Variants in ZZEF1 observed in about 807,000 individuals in gnomAD.
The protein encoded by ZZEF1 is zinc finger ZZ-type and EF-hand domain-containing protein 1.
Under a neutral mutation model 342.8 loss-of-function variants are expected in ZZEF1, and 157 were observed. The ratio of observed to expected loss-of-function variants is 0.46; its 90% confidence interval spans 0.40 to 0.52. The LOEUF is 0.52. Among genes scored for constraint, ZZEF1 ranks in the 20% least tolerant of loss-of-function variants. ZZEF1 has a pLI of 0.00. For missense variants in ZZEF1, 3,480 were observed against 3,725.6 expected, an observed-to-expected ratio of 0.93 and a Z score of 1.72; for synonymous variants, 1,505 against 1,429.1, an observed-to-expected ratio of 1.05 and a Z score of -1.20.
intron 1 of ZZEF1, among the ~76,000 whole-genome samples, chr17:4,128,682 G>A (rs893824378): frequency 2.0e-5 from 3 of 151,360 alleles, no homozygotes; most frequent in African/African-American, 7.3e-5. Flanking sequence ...GGCTGGTCCT[G>A]AACTGCTGGC....
chr17:4,052,384 T>G (rs918843068), intron 34 of ZZEF1, among the ~76,000 whole-genome samples: 1 of 152,224 alleles, frequency 6.6e-6, no homozygotes, highest in Non-Finnish European at 1.5e-5. Context: ...GACTGCTGTT[T>G]GGTGGAAACA....
Position 4,090,714 on chromosome 17 carries a change from C to T in ZZEF1, c.2025+5G>A, listed in dbSNP as rs758815808. The stretch of plus-strand genomic sequence containing the variant: ...GGAGTGGGCAAACGACGCACTAATG[C>T]TTACTTTGGCAACTCTGCACTGTTG... On this transcript the variant is annotated splice_donor_5th_base_variant and intron_variant, in intron 12 of 54. Coordinates refer to ENST00000381638, the MANE Select transcript of ZZEF1 (RefSeq NM_015113.4). The T allele has an allele frequency of 4.0e-5, 65 of 1,612,724 alleles. No homozygotes were observed. Among genetic ancestry groups the T allele is most frequent in the Non-Finnish European group, 5.4e-5 (64 of 1,179,036 alleles).
intron 38 of ZZEF1, among the ~76,000 whole-genome samples, chr17:4,044,022 A>C (rs1384985358): frequency 6.6e-6 from 1 of 152,270 alleles, no homozygotes; most frequent in Non-Finnish European, 1.5e-5. Context: ...TAGTAAATAC[A>C]GGAAATAAAT....
intron 3 of ZZEF1, among the ~76,000 whole-genome samples, chr17:4,115,765 T>G (rs765738281): frequency 1.3e-5 from 2 of 152,210 alleles, no homozygotes; most frequent in Non-Finnish European, 2.9e-5. Flanking sequence ...ATCTGTAATA[T>G]GTTATAAAAT....
chr17:4,131,750 GCCTGGGTGACAGAGCAAGAC>G (rs2058665857), intron 1 of ZZEF1, among the ~76,000 whole-genome samples: 1 of 152,048 alleles, frequency 6.6e-6, no homozygotes, highest in Non-Finnish European at 1.5e-5. Flanking sequence ...CTGTACTCCA[GCCTGGGTGACAGAGCAAGAC>G]CCTGTCTCAA....
chr17:4,062,840 GCA>G lies in ZZEF1; in HGVS notation c.4794_4795del (p.Ala1599ArgfsTer40). 6.2e-7 allele frequency: 1 copy of G among 1,613,626 alleles called. No homozygotes were observed. On this transcript the variant is annotated frameshift_variant, in exon 30 of 55. Coordinates refer to ENST00000381638, the MANE Select transcript of ZZEF1 (RefSeq NM_015113.4). LOFTEE classifies it high-confidence loss of function. ...GCAGTGGGGCTGCCCAAGGGATTCT[GCA>G]CAGTGCTGAGTTATCTTCAGGACTT...
intron 1 of ZZEF1, among the ~76,000 whole-genome samples, chr17:4,138,175 G>A (rs9908148): frequency 0.15 from 22,660 of 152,144 alleles, 1,836 homozygotes; most frequent in African/African-American, 0.21. Context: ...GAGGGCTCCC[G>A]GCTGAAGGCA....
At chr17:4,128,312 C>T (rs1432145445) in intron 1 of ZZEF1, among the ~76,000 whole-genome samples, 3 of 143,164 alleles carry the variant, frequency 2.1e-5, no homozygotes, top group East Asian at 2.1e-4. Flanking sequence ...GGCGCCACCG[C>T]ACTCCAGCCT....
intron 27 of ZZEF1, among the ~76,000 whole-genome samples, chr17:4,066,764 A>C (rs777819508): frequency 2.9e-4 from 44 of 152,002 alleles, no homozygotes; most frequent in African/African-American, 4.1e-4. Flanking sequence ...GATAAAGAAG[A>C]AGCTGAGATC....
At chr17:4,102,805 G>A (rs946469674) in intron 8 of ZZEF1, among the ~76,000 whole-genome samples, 3 of 151,860 alleles carry the variant, frequency 2.0e-5, no homozygotes, top group African/African-American at 4.8e-5. Context: ...TTTAGGTCTC[G>A]TTTCTTTAAA....
At chr17:4,033,994 A>AG (rs2056605631) in intron 40 of ZZEF1, 21 bp downstream of exon 40, 1 of 1,610,424 alleles carries the variant, frequency 6.2e-7, no homozygotes, top group Admixed American at 1.7e-5. Flanking sequence ...AGGTGGTTAG[A>AG]GGAGCGAGGA....
chr17:4,126,802 C>A (rs1345612091), intron 1 of ZZEF1, among the ~76,000 whole-genome samples: 1 of 152,124 alleles, frequency 6.6e-6, no homozygotes, highest in Non-Finnish European at 1.5e-5. Context: ...TCCGTATCTA[C>A]TAAAACTACA....
chr17:4,036,776 TACACACACACACACACACACAC>T (rs761229612), intron 39 of ZZEF1, among the ~76,000 whole-genome samples: 4 of 99,912 alleles, frequency 4.0e-5, no homozygotes, highest in East Asian at 3.4e-4. Context: ...ATATATAGAA[TACACACACACACACACACACAC>T]ACACACACAC....
intron 37 of ZZEF1, among the ~76,000 whole-genome samples, chr17:4,049,084 T>A (rs2056990058): frequency 6.6e-6 from 1 of 152,074 alleles, no homozygotes; most frequent in Admixed American, 6.5e-5. Context: ...ATGGGAGTGG[T>A]TAACACAGAT....
chr17:4,129,200 C>A (rs985785150), intron 1 of ZZEF1, among the ~76,000 whole-genome samples: 2 of 152,116 alleles, frequency 1.3e-5, no homozygotes, highest in Admixed American at 6.6e-5. Context: ...TTATAATAAA[C>A]AGATATTGCA....
intron 24 of ZZEF1, 111 bp from the exon 25 acceptor site, chr17:4,072,867 G>A (rs928038768): frequency 8.6e-7 from 1 of 1,158,418 alleles, no homozygotes; most frequent in African/African-American, 1.6e-5. Flanking sequence ...TTAAAACTTA[G>A]AGAAAGTTTA....
rs922864142 is a variant in ZZEF1, at chr17:4,009,375, C to T, written c.8733+229G>A. ...CAAGGGCTGATCCCGGGCAGTTTCT[C>T]CCCCATTGGCTCTAGGCCTGACAAA... On this transcript the variant is annotated intron_variant, in intron 53 of 54. Transcript: ENST00000381638. The T allele has an allele frequency of 2.1e-5, 13 of 612,562 alleles. No homozygotes were observed. The African/African-American group carries it at 2.2e-4, about 10-fold the overall frequency. The allele number at this position is 612,562 out of a possible 1,614,324, so 37.9% of individuals were successfully genotyped here.
At chr17:4,050,739 C>G in intron 36 of ZZEF1, 42 bp downstream of exon 36, 2 of 1,608,732 alleles carry the variant, frequency 1.2e-6, no homozygotes, top group Non-Finnish European at 1.7e-6. Flanking sequence ...TTTTCACCAG[C>G]AACTGAGGGC....
At chr17:4,106,007 T>C (rs1339204669) in intron 6 of ZZEF1, among the ~76,000 whole-genome samples, 198 bp from the exon 7 acceptor site, 7 of 152,118 alleles carry the variant, frequency 4.6e-5, no homozygotes. Context: ...TAGAGTGCAG[T>C]GGTGCGATCT....
Sources: allele counts gnomAD v4.1 joint callset (sites outside exome capture counted in the v4.1 genomes callset), GRCh38; gene constraint gnomAD v4.1.1; transcripts MANE v1.5; gene names NCBI Gene and HGNC (gene_info 2026-07-23, HGNC 2026-07-21).